Variants in DNAH11 observed in about 807,000 individuals in gnomAD.
DNAH11 encodes the protein axonemal beta dynein heavy chain 11.
Under a neutral mutation model 526.0 loss-of-function variants are expected in DNAH11, and 442 were observed. The observed-to-expected ratio is 0.84, with a 90% CI of 0.78 to 0.91. The LOEUF (loss-of-function observed/expected upper bound fraction) is 0.91, where lower values mean the gene tolerates loss of function less well. DNAH11 is among the 40% of genes least tolerant of loss of function. DNAH11 has a pLI of 0.00. For synonymous variants in DNAH11, 2,461 were observed against 1,935.9 expected, an observed-to-expected ratio of 1.27 and a Z score of -7.12; for missense variants, 6,989 against 5,448.7, an observed-to-expected ratio of 1.28 and a Z score of -8.90.
At chr7:21,790,468 A>G (rs562005295) in intron 61 of DNAH11, among the ~76,000 whole-genome samples, 1 of 152,188 alleles carries the variant, frequency 6.6e-6, no homozygotes, top group Non-Finnish European at 1.5e-5. Context: ...AAAAGAAAAG[A>G]AAATATTTTC....
Position 21,778,851 on chromosome 7 carries a change from A to G in DNAH11, c.9337-107A>G, listed in dbSNP as rs995793161. On this transcript the variant is annotated intron_variant, in intron 56 of 81. Coordinates refer to ENST00000409508, the MANE Select transcript of DNAH11 (RefSeq NM_001277115.2). Reference sequence around the variant, plus strand: ...TGAAAATCAGGGTAGAGACAGATGCAAGATACAAATTGTTAGAGATCCCTG... The same window carrying G: ...TGAAAATCAGGGTAGAGACAGATGCGAGATACAAATTGTTAGAGATCCCTG... 107 of 1,359,340 alleles carry G rather than the reference A, an allele frequency of 7.9e-5. 1 individual carries two copies. In the East Asian group the frequency reaches 2.5e-3, roughly 32 times the overall value. The allele number at this position is 1,359,340 out of a possible 1,614,324, so 84.2% of individuals were successfully genotyped here.
chr7:21,884,982 T>C (rs1232703911), intron 76 of DNAH11, among the ~76,000 whole-genome samples: 1 of 151,976 alleles, frequency 6.6e-6, no homozygotes, highest in Non-Finnish European at 1.5e-5. Context: ...ATTTGTTAAT[T>C]AGCCTGATTT....
chr7:21,802,244 C>G (rs1422996253), intron 62 of DNAH11, among the ~76,000 whole-genome samples: 1 of 152,162 alleles, frequency 6.6e-6, no homozygotes, highest in Non-Finnish European at 1.5e-5. Context: ...ATGCTCAACT[C>G]CATTAGTCGT....
chr7:21,872,587 C>G (rs1317850725), intron 73 of DNAH11, among the ~76,000 whole-genome samples: 1 of 151,990 alleles, frequency 6.6e-6, no homozygotes, highest in East Asian at 1.9e-4. Context: ...CAAGCTATAA[C>G]CTGTAGGTGT....
chr7:21,591,416 G>T lies in DNAH11; in HGVS notation c.2506G>T (p.Val836Leu), dbSNP rs769781999. ...TGAGCGCACACAGAAAAACGTGAAG[G>T]TGATCCAGCAGACCATGAGGGGCTG... ...RVERTQKNVK[V>L]IQQTMRGWAR... The change falls in exon 14 of 82, where the codon GTG becomes TTG. Residue 836 changes from valine to leucine, a missense_variant. By Grantham distance (32) the Val-to-Leu change is conservative. Coordinates refer to ENST00000409508, the MANE Select transcript of DNAH11 (RefSeq NM_001277115.2). 1 of 1,613,954 alleles carries T rather than the reference G, an allele frequency of 6.2e-7. No individual in the cohort carries two copies. The highest frequency in any genetic ancestry group is 8.5e-7 in the Non-Finnish European group (1 of 1,179,888).
intron 61 of DNAH11, among the ~76,000 whole-genome samples, chr7:21,794,643 C>G (rs1464272937): frequency 6.6e-6 from 1 of 151,864 alleles, no homozygotes; most frequent in Non-Finnish European, 1.5e-5. Context: ...TGCTGTTGAA[C>G]AGCCACTCTG....
At chr7:21,780,659 A>C (rs1009969365) in intron 57 of DNAH11, among the ~76,000 whole-genome samples, 1 of 152,178 alleles carries the variant, frequency 6.6e-6, no homozygotes, top group South Asian at 2.1e-4. Context: ...GCAAATTAGA[A>C]CTCATCTGAC....
chr7:21,603,341 G>C (rs1193824085), intron 18 of DNAH11, among the ~76,000 whole-genome samples: 1 of 152,088 alleles, frequency 6.6e-6, no homozygotes, highest in Non-Finnish European at 1.5e-5. Flanking sequence ...TTCCATCTTT[G>C]GGCTATTGTC....
At position 21,844,971 on chromosome 7, in the gene DNAH11, G is replaced by A. The variant is rs114160688; in HGVS notation, c.10896+2223G>A. 5.1e-3 allele frequency among the ~76,000 whole-genome samples: 784 copies of A among 152,280 alleles called. 5 individuals carry two copies. Among genetic ancestry groups the A allele is most frequent in the African/African-American group, 0.018 (741 of 41,552 alleles). Reference sequence around the variant, plus strand: ...GTCATCCACCAAGTCAGAGTTCAAAGGACCACTGGCTTGCTGCCTTGTGCA... The same window carrying A: ...GTCATCCACCAAGTCAGAGTTCAAAAGACCACTGGCTTGCTGCCTTGTGCA... On this transcript the variant is annotated intron_variant, in intron 66 of 81. Coordinates refer to ENST00000409508, the MANE Select transcript of DNAH11 (RefSeq NM_001277115.2).
chr7:21,553,736 CT>C (rs1183133885), intron 2 of DNAH11, among the ~76,000 whole-genome samples: 3 of 152,172 alleles, frequency 2.0e-5, no homozygotes, highest in Non-Finnish European at 2.9e-5. Flanking sequence ...TGTCATTCGC[CT>C]TGTCTCCTTC....
At position 21,788,480 on chromosome 7, in the gene DNAH11, T is replaced by A. The variant is rs548820852; in HGVS notation, c.9925-761T>A. 1.3e-3 allele frequency among the ~76,000 whole-genome samples: 192 copies of A among 152,040 alleles called. 1 individual carries two copies. Among genetic ancestry groups the A allele is most frequent in the South Asian group, 4.2e-3 (20 of 4,814 alleles). ...TCAGCCCCGTCTTCTACTTGTACAGTAGGTGAAAAGACAAGCATAGAGCTT... is the reference window on the plus strand; with the variant it reads ...TCAGCCCCGTCTTCTACTTGTACAGAAGGTGAAAAGACAAGCATAGAGCTT... On this transcript the variant is annotated intron_variant, in intron 60 of 81. Coordinates refer to ENST00000409508, the MANE Select transcript of DNAH11 (RefSeq NM_001277115.2).
chr7:21,830,861 T>C (rs1380578779), intron 65 of DNAH11, among the ~76,000 whole-genome samples: 1 of 152,202 alleles, frequency 6.6e-6, no homozygotes, highest in Non-Finnish European at 1.5e-5. Context: ...AGTACAAATA[T>C]ATGGTATTTG....
At chr7:21,833,431 G>A (rs1316778274) in intron 65 of DNAH11, among the ~76,000 whole-genome samples, 4 of 152,188 alleles carry the variant, frequency 2.6e-5, no homozygotes, top group Non-Finnish European at 5.9e-5. Context: ...AGTGGCTCAT[G>A]CCTGTAATGC....
At chr7:21,788,588 A>T (rs868775649) in intron 60 of DNAH11, among the ~76,000 whole-genome samples, 20 of 152,280 alleles carry the variant, frequency 1.3e-4, no homozygotes, top group Middle Eastern at 6.8e-3. Context: ...ACCAGCAGAA[A>T]AAAAATTGAT....
intron 68 of DNAH11, among the ~76,000 whole-genome samples, chr7:21,860,234 C>A (rs1442158925): frequency 1.3e-5 from 2 of 151,708 alleles, no homozygotes; most frequent in Non-Finnish European, 2.9e-5. Context: ...TAGGGAGATG[C>A]AACTCAAAAC....
chr7:21,594,005 A>G (rs955113343), intron 14 of DNAH11, among the ~76,000 whole-genome samples: 3 of 147,752 alleles, frequency 2.0e-5, no homozygotes, highest in Admixed American at 1.4e-4. Flanking sequence ...CCTCTCACAT[A>G]TCACACACAC....
chr7:21,642,238 C>G (rs1011831919), intron 28 of DNAH11, among the ~76,000 whole-genome samples: 2 of 147,344 alleles, frequency 1.4e-5, no homozygotes, highest in African/African-American at 5.3e-5. Flanking sequence ...TGCTATCACA[C>G]TGTTACTAAA....
Position 21,797,087 on chromosome 7 carries a change from T to C in DNAH11, c.10027-4050T>C, listed in dbSNP as rs1019498629. On this transcript the variant is annotated intron_variant, in intron 61 of 81. Coordinates refer to ENST00000409508, the MANE Select transcript of DNAH11 (RefSeq NM_001277115.2). ...AAAACAGCAGGAATAGAGTTTTCTATAGAGAAAAATTTTTTGAAAACAAGG... is the reference window on the plus strand; with the variant it reads ...AAAACAGCAGGAATAGAGTTTTCTACAGAGAAAAATTTTTTGAAAACAAGG... Among the ~76,000 whole-genome samples the C allele has an allele frequency of 4.6e-5, 7 of 152,148 alleles. No homozygotes were observed. In the East Asian group the frequency reaches 9.6e-4, roughly 21 times the overall value.
At position 21,543,155 on chromosome 7, in the gene DNAH11, G is replaced by A; in HGVS notation, c.-91G>A. On this transcript the variant is annotated 5_prime_UTR_variant, in exon 1 of 82. Transcript: ENST00000409508. ...TCGCGGCGACCGCGGAGGAGGGTGG[G>A]CGCCTGCGGAGGTGTCCTCGCTCAC... 1 of 1,437,762 alleles carries A rather than the reference G, an allele frequency of 7.0e-7. No individual in the cohort carries two copies. The highest frequency in any genetic ancestry group is 9.1e-7 in the Non-Finnish European group (1 of 1,102,904). The allele number at this position is 1,437,762 out of a possible 1,614,324, so 89.1% of individuals were successfully genotyped here.
Sources: allele counts gnomAD v4.1 joint callset (sites outside exome capture counted in the v4.1 genomes callset), GRCh38; gene constraint gnomAD v4.1.1; transcripts MANE v1.5; gene names NCBI Gene and HGNC (gene_info 2026-07-23, HGNC 2026-07-21).